FRMPD4: variants seen among roughly 807,000 people sequenced by gnomAD.
The protein encoded by FRMPD4 is FERM and PDZ domain-containing protein 4.
In FRMPD4, 22 loss-of-function variants were observed where a neutral mutation model predicts 94.1. That is an observed-to-expected ratio of 0.23 (90% CI 0.17 to 0.33). The LOEUF (loss-of-function observed/expected upper bound fraction) is 0.33, where lower values mean the gene tolerates loss of function less well. FRMPD4 is among the 10% of genes least tolerant of loss of function. The pLI, the probability that FRMPD4 is intolerant of heterozygous loss-of-function variation, is 1.00. For synonymous variants in FRMPD4, 631 were observed against 548.6 expected, an observed-to-expected ratio of 1.15 and a Z score of -2.10; for missense variants, 1,111 against 1,339.9, an observed-to-expected ratio of 0.83 and a Z score of 2.67.
chrX:12,361,007 G>A (rs2055980887), intron 1 of FRMPD4, among the ~76,000 whole-genome samples: 1 of 107,379 alleles, frequency 9.3e-6, no homozygotes, highest in Admixed American at 1.0e-4. Context: ...AGACCTAAAG[G>A]AAGCTCTGAG....
At chrX:12,502,804 T>A (rs1366833802) in intron 2 of FRMPD4, among the ~76,000 whole-genome samples, 1 of 111,723 alleles carries the variant, frequency 9.0e-6, no homozygotes, top group African/African-American at 3.3e-5. Context: ...TGGATATGGG[T>A]ATAGATGATT....
intron 2 of FRMPD4, among the ~76,000 whole-genome samples, chrX:11,874,551 A>G (rs1288673712): frequency 8.9e-6 from 1 of 112,495 alleles, no homozygotes; most frequent in Non-Finnish European, 1.9e-5. Flanking sequence ...GTATGCAAAT[A>G]CTACACTATT....
chrX:12,385,245 C>T (rs1394305001), intron 1 of FRMPD4, among the ~76,000 whole-genome samples: 3 of 112,828 alleles, frequency 2.7e-5, no homozygotes, highest in African/African-American at 9.7e-5. Flanking sequence ...CATCAGCTAA[C>T]ATCTATTGGT....
intron 1 of FRMPD4, among the ~76,000 whole-genome samples, chrX:12,202,151 A>G (rs896999673): frequency 9.0e-6 from 1 of 111,399 alleles, no homozygotes; most frequent in Non-Finnish European, 1.9e-5. Context: ...CACACATACA[A>G]TATAGCTAAG....
chrX:12,240,364 T>C (rs1402823235), intron 1 of FRMPD4, among the ~76,000 whole-genome samples: 1 of 112,305 alleles, frequency 8.9e-6, no homozygotes, highest in Non-Finnish European at 1.9e-5. Context: ...AACTCAAGCA[T>C]GTATCCCCAG....
At chrX:11,870,240 G>A (rs2053748528) in intron 2 of FRMPD4, among the ~76,000 whole-genome samples, 1 of 111,733 alleles carries the variant, frequency 8.9e-6, no homozygotes, top group Non-Finnish European at 1.9e-5. Flanking sequence ...CCCACTTGAT[G>A]ATTACCCCAA....
intron 3 of FRMPD4, among the ~76,000 whole-genome samples, chrX:11,926,365 A>G (rs1416270038): frequency 9.0e-6 from 1 of 110,567 alleles, no homozygotes; most frequent in African/African-American, 3.3e-5. Flanking sequence ...AACAATTCCA[A>G]AAAAATTGAG....
At position 11,999,867 on chromosome X, in the gene FRMPD4, G is replaced by A. The variant is rs138744653; in HGVS notation, c.95+121849G>A. On this transcript the variant is annotated intron_variant, in intron 3 of 18. Transcript: ENST00000640291. ...ATGAACATCTGTGCATGCTGCTGAT[G>A]GCTCTGTCTGTCTTTGGGAGCCCAT... 3.6e-3 allele frequency among the ~76,000 whole-genome samples: 396 copies of A among 111,002 alleles called. 1 individual carries two copies. Among genetic ancestry groups the A allele is most frequent in the Middle Eastern group, 9.3e-3 (2 of 214 alleles).
chrX:12,151,600 A>G (rs772083657), intron 1 of FRMPD4, among the ~76,000 whole-genome samples: 48 of 112,231 alleles, frequency 4.3e-4, no homozygotes, highest in African/African-American at 1.4e-3. Context: ...TTAAAAAGAT[A>G]TATAAATGTT....
intron 1 of FRMPD4, among the ~76,000 whole-genome samples, chrX:12,164,215 G>A (rs940288581): frequency 2.7e-5 from 3 of 110,444 alleles, no homozygotes; most frequent in African/African-American, 9.9e-5. Context: ...CCCCACAACA[G>A]TCCCTGGTGT....
chrX:11,923,588 T>C (rs2147346599), intron 3 of FRMPD4, among the ~76,000 whole-genome samples: 1 of 111,851 alleles, frequency 8.9e-6, no homozygotes, highest in African/African-American at 3.2e-5. Context: ...ATTCCAAGCT[T>C]GAGGAGCCAG....
chrX:12,451,733 C>CGTGTGTGT (rs72300557), intron 1 of FRMPD4, among the ~76,000 whole-genome samples: 4,393 of 98,733 alleles, frequency 0.044, 111 homozygotes, highest in Admixed American at 0.095. Context: ...TGTGTATGCC[C>CGTGTGTGT]GTGTGTGTGT....
chrX:11,889,813 A>G (rs918318189), intron 3 of FRMPD4, among the ~76,000 whole-genome samples: 1 of 112,440 alleles, frequency 8.9e-6, no homozygotes, highest in African/African-American at 3.2e-5. Context: ...TGCAGTGCCT[A>G]ATAGAGCTGA....
At chrX:12,633,543 G>C in intron 4 of FRMPD4, among the ~76,000 whole-genome samples, 1 of 112,132 alleles carries the variant, frequency 8.9e-6, no homozygotes. Flanking sequence ...TTTCCCATCA[G>C]CCTGTTGGGC....
chrX:12,047,825 T>G (rs1167065784), intron 3 of FRMPD4, among the ~76,000 whole-genome samples: 1 of 112,302 alleles, frequency 8.9e-6, no homozygotes, highest in Non-Finnish European at 1.9e-5. Flanking sequence ...AGGACATGTT[T>G]TTATTCTTTT....
At chrX:12,335,033 C>G (rs775449534) in intron 1 of FRMPD4, among the ~76,000 whole-genome samples, 4 of 111,761 alleles carry the variant, frequency 3.6e-5, no homozygotes, top group African/African-American at 1.3e-4. Flanking sequence ...TTCATTGGTA[C>G]CTAACTCAAG....
At chrX:12,307,083 G>A (rs1208135999) in intron 1 of FRMPD4, among the ~76,000 whole-genome samples, 1 of 112,414 alleles carries the variant, frequency 8.9e-6, no homozygotes, top group African/African-American at 3.2e-5. Context: ...ACAGGGATGG[G>A]TGATAAAGGC....
intron 1 of FRMPD4, among the ~76,000 whole-genome samples, chrX:12,209,849 A>G (rs936508227): frequency 4.5e-5 from 5 of 111,857 alleles, no homozygotes; most frequent in Non-Finnish European, 7.5e-5. Context: ...TCAACTGTTA[A>G]TAATTGACAA....
At chrX:12,317,593 A>C (rs1471910200) in intron 1 of FRMPD4, among the ~76,000 whole-genome samples, 3 of 107,546 alleles carry the variant, frequency 2.8e-5, no homozygotes, top group Admixed American at 9.9e-5. Context: ...AGCAAAAAAA[A>C]AAAAAAAAAA....
Sources: gnomAD v4.1 joint callset for allele counts (sites outside exome capture counted in the v4.1 genomes callset) on GRCh38, gnomAD v4.1.1 for gene constraint, MANE v1.5 for transcripts, NCBI Gene and HGNC (gene_info 2026-07-23, HGNC 2026-07-21) for gene names.